The following NAALADL2 variants were observed in gnomAD, a reference collection of about 807,000 sequenced individuals.
The protein encoded by NAALADL2 is inactive N-acetylated-alpha-linked acidic dipeptidase-like protein 2.
In NAALADL2, 76 loss-of-function variants were observed where a neutral mutation model predicts 87.2. That is an observed-to-expected ratio of 0.87 (90% CI 0.72 to 1.05). The LOEUF is 1.05. Among genes scored for constraint, NAALADL2 ranks in the 50% least tolerant of loss-of-function variants. The pLI, the probability that NAALADL2 is intolerant of heterozygous loss-of-function variation, is 0.00. For missense variants in NAALADL2, 1,089 were observed against 945.8 expected, an observed-to-expected ratio of 1.15 and a Z score of -1.99; for synonymous variants, 354 against 331.0, an observed-to-expected ratio of 1.07 and a Z score of -0.75.
intron 11 of NAALADL2, among the ~76,000 whole-genome samples, chr3:175,721,657 G>A (rs746268985): frequency 7.2e-5 from 11 of 152,026 alleles, no homozygotes; most frequent in Admixed American, 2.6e-4. Context: ...AAAACTGATC[G>A]AGCTATAGGA....
intron 11 of NAALADL2, among the ~76,000 whole-genome samples, chr3:175,709,717 A>G (rs1740264155): frequency 6.6e-6 from 1 of 152,130 alleles, no homozygotes; most frequent in East Asian, 1.9e-4. Flanking sequence ...AAACCTCAGC[A>G]AATCAAACTG....
At chr3:175,080,477 C>T (rs1411821606) in intron 1 of NAALADL2, among the ~76,000 whole-genome samples, 1 of 152,162 alleles carries the variant, frequency 6.6e-6, no homozygotes, top group East Asian at 1.9e-4. Flanking sequence ...AAATATGTGT[C>T]TTTATGAATT....
intron 9 of NAALADL2, among the ~76,000 whole-genome samples, chr3:175,475,024 T>C (rs7349540): frequency 0.039 from 5,849 of 149,546 alleles, 166 homozygotes; most frequent in Middle Eastern, 0.076. Flanking sequence ...AACATTTAAG[T>C]ACACACACAC....
At chr3:175,055,355 C>A (rs1318821599) in intron 1 of NAALADL2, among the ~76,000 whole-genome samples, 1 of 152,200 alleles carries the variant, frequency 6.6e-6, no homozygotes, top group Admixed American at 6.5e-5. Context: ...TGTATTTGTA[C>A]CCCTTTCAAA....
chr3:175,475,024 TACAC>T (rs3040495), intron 9 of NAALADL2, among the ~76,000 whole-genome samples: 105 of 149,698 alleles, frequency 7.0e-4, no homozygotes, highest in African/African-American at 2.4e-3. Flanking sequence ...AACATTTAAG[TACAC>T]ACACACACAC....
intron 3 of NAALADL2, among the ~76,000 whole-genome samples, chr3:174,758,502 T>C (rs1232771682): frequency 1.3e-5 from 2 of 151,962 alleles, no homozygotes; most frequent in East Asian, 3.9e-4. Flanking sequence ...GTTGATAGAG[T>C]AGGTTAAGTA....
At chr3:174,816,636 G>A (rs950248907) in intron 3 of NAALADL2, among the ~76,000 whole-genome samples, 1 of 151,594 alleles carries the variant, frequency 6.6e-6, no homozygotes, top group African/African-American at 2.4e-5. Context: ...CAGACTAAGT[G>A]ATTCACCCCA....
At chr3:175,354,990 ATTTT>A (rs1248989373) in intron 5 of NAALADL2, among the ~76,000 whole-genome samples, 3 of 142,670 alleles carry the variant, frequency 2.1e-5, no homozygotes, top group Non-Finnish European at 3.0e-5. Context: ...AATTTTTCCA[ATTTT>A]ATTTATATAT....
intron 3 of NAALADL2, among the ~76,000 whole-genome samples, chr3:174,819,073 TTTTTTTTTTTTTTG>T (rs1721129281): frequency 1.6e-5 from 2 of 129,020 alleles, no homozygotes; most frequent in Non-Finnish European, 3.3e-5. Flanking sequence ...TTTTTTTTTT[TTTTTTTTTTTTTTG>T]GAGACAGGAT....
intron 2 of NAALADL2, among the ~76,000 whole-genome samples, chr3:174,614,962 C>T (rs1390804967): frequency 1.3e-5 from 2 of 152,122 alleles, no homozygotes; most frequent in East Asian, 3.9e-4. Flanking sequence ...CCACAAATTA[C>T]GTAGCCAACA....
intron 3 of NAALADL2, among the ~76,000 whole-genome samples, chr3:175,254,500 C>G (rs181058412): frequency 2.9e-4 from 44 of 152,236 alleles, no homozygotes; most frequent in African/African-American, 9.9e-4. Context: ...CTTGCAATCT[C>G]TGATGTATGC....
intron 3 of NAALADL2, among the ~76,000 whole-genome samples, chr3:174,763,183 C>T (rs1303965691): frequency 6.6e-6 from 1 of 151,716 alleles, no homozygotes; most frequent in Non-Finnish European, 1.5e-5. Flanking sequence ...TTGACTATAT[C>T]CTGAAAATAA....
chr3:175,097,757 T>C (rs780198986), intron 2 of NAALADL2, among the ~76,000 whole-genome samples: 21 of 152,200 alleles, frequency 1.4e-4, no homozygotes, highest in Admixed American at 4.6e-4. Flanking sequence ...GGAAAAGCTT[T>C]TTGTTATTTT....
intron 3 of NAALADL2, among the ~76,000 whole-genome samples, chr3:175,250,614 A>G (rs1313264081): frequency 1.3e-5 from 2 of 152,134 alleles, no homozygotes; most frequent in African/African-American, 2.4e-5. Flanking sequence ...CCAAATGCCC[A>G]TTGTTCCTTC....
At chr3:174,855,436 A>C (rs894439689), upstream of NAALADL2, among the ~76,000 whole-genome samples, 1 of 151,984 alleles carries the variant, frequency 6.6e-6, no homozygotes, top group African/African-American at 2.4e-5. Context: ...TTTGACTTTT[A>C]TTTTGGAAAT....
chr3:174,607,297 A>G (rs1194621903), intron 2 of NAALADL2, among the ~76,000 whole-genome samples: 1 of 152,068 alleles, frequency 6.6e-6, no homozygotes, highest in Non-Finnish European at 1.5e-5. Flanking sequence ...TAATGACAGG[A>G]TCAAATTCAC....
chr3:174,857,204 TA>T (rs1725946441), upstream of NAALADL2, among the ~76,000 whole-genome samples: 1 of 152,134 alleles, frequency 6.6e-6, no homozygotes, highest in African/African-American at 2.4e-5. Context: ...ACTCACCAGG[TA>T]TGTTAAAAAA....
chr3:175,723,510 A>G (rs78393349), intron 11 of NAALADL2, among the ~76,000 whole-genome samples: 2,298 of 152,220 alleles, frequency 0.015, 59 homozygotes, highest in African/African-American at 0.051. Flanking sequence ...TGCTAGATGA[A>G]ATTAAGACAT....
rs544760324 is a variant in NAALADL2, at chr3:175,190,981, C to CAAA, written c.546-42935_546-42933dup. Among the ~76,000 whole-genome samples the CAAA allele has an allele frequency of 9.7e-4, 99 of 101,992 alleles. 4 individuals are homozygous for CAAA. In the East Asian group the frequency reaches 0.017, roughly 17 times the overall value. 66.9% of individuals were successfully genotyped at this position (101,992 alleles called of 152,430 possible). On this transcript the variant is annotated intron_variant, in intron 2 of 13. Coordinates refer to ENST00000454872, the MANE Select transcript of NAALADL2 (RefSeq NM_207015.3). Reference sequence around the variant, plus strand: ...CAACAGACAGAGGGAGACTCCGTCTCAAAAAAAAAAAAAAAAAGAAAAAGA... The same window carrying CAAA: ...CAACAGACAGAGGGAGACTCCGTCTCAAAAAAAAAAAAAAAAAAAAGAAAAAGA...
Sources: gnomAD v4.1 joint callset for allele counts (sites outside exome capture counted in the v4.1 genomes callset) on GRCh38, gnomAD v4.1.1 for gene constraint, MANE v1.5 for transcripts, NCBI Gene and HGNC (gene_info 2026-07-23, HGNC 2026-07-21) for gene names.